JARID2: variants seen among roughly 807,000 people sequenced by gnomAD.
JARID2 encodes the protein protein Jumonji.
Under a neutral mutation model 125.6 loss-of-function variants are expected in JARID2, and 21 were observed. The observed-to-expected ratio is 0.17, with a 90% CI of 0.12 to 0.24. The LOEUF is 0.24. Among genes scored for constraint, JARID2 ranks in the 10% least tolerant of loss-of-function variants. The pLI, the probability that JARID2 is intolerant of heterozygous loss-of-function variation, is 1.00. For synonymous variants in JARID2, 736 were observed against 661.6 expected (o/e 1.11, Z -1.73); for missense variants, 1,303 against 1,639.6 (o/e 0.79, Z 3.55).
intron 1 of JARID2, among the ~76,000 whole-genome samples, chr6:15,284,659 G>A (rs533177127): frequency 2.6e-5 from 4 of 151,954 alleles, no homozygotes; most frequent in Middle Eastern, 3.4e-3. Context: ...GCTAATTTTT[G>A]TATTTTTAGT....
chr6:15,362,138 C>G (rs931824867), intron 1 of JARID2, among the ~76,000 whole-genome samples: 2 of 151,962 alleles, frequency 1.3e-5, no homozygotes, highest in East Asian at 1.9e-4. Context: ...CTGCGCCCCC[C>G]CCGCCTCCCA....
At chr6:15,275,752 G>A (rs911488686) in intron 1 of JARID2, among the ~76,000 whole-genome samples, 5 of 151,988 alleles carry the variant, frequency 3.3e-5, no homozygotes, top group Non-Finnish European at 7.4e-5. Context: ...TTCCATTTAG[G>A]AAAGTTGAGA....
chr6:15,363,276 C>G (rs937408444), intron 1 of JARID2, among the ~76,000 whole-genome samples: 4 of 152,206 alleles, frequency 2.6e-5, no homozygotes, highest in African/African-American at 9.7e-5. Context: ...ACCAGCACTT[C>G]TCACGTGTAA....
intron 3 of JARID2, among the ~76,000 whole-genome samples, chr6:15,430,013 C>T (rs1430770202): frequency 6.6e-6 from 1 of 152,138 alleles, no homozygotes; most frequent in African/African-American, 2.4e-5. Context: ...TTAGTCATGC[C>T]AAGAGAAGGC....
At chr6:15,287,713 G>A (rs1216652770) in intron 1 of JARID2, among the ~76,000 whole-genome samples, 2 of 152,110 alleles carry the variant, frequency 1.3e-5, no homozygotes, top group African/African-American at 4.8e-5. Flanking sequence ...CTGTTGTCAG[G>A]GGAGTCTTAC....
Position 15,520,330 on chromosome 6 carries a change from T to G in JARID2, c.*79T>G, listed in dbSNP as rs533293268. 2 of 1,123,794 alleles carry G rather than the reference T, an allele frequency of 1.8e-6. No homozygotes were observed. Among genetic ancestry groups the G allele is most frequent in the East Asian group, 5.6e-5 (2 of 35,556 alleles). The allele number at this position is 1,123,794 out of a possible 1,614,324, so 69.6% of individuals were successfully genotyped here. On this transcript the variant is annotated 3_prime_UTR_variant, in exon 18 of 18. Coordinates refer to ENST00000341776, the MANE Select transcript of JARID2 (RefSeq NM_004973.4). The stretch of plus-strand genomic sequence containing the variant: ...CTAGTTTGGAGTACTTGCTGTAGGA[T>G]TCAAGCTGTCTTTGCACTAGCTCTA...
rs1384202339 is a variant in JARID2, at chr6:15,474,023, C to T, written c.670+5305C>T. Among the ~76,000 whole-genome samples, 4 of 152,242 alleles carry T rather than the reference C, an allele frequency of 2.6e-5. No individual in the cohort carries two copies. In the South Asian group the frequency reaches 8.3e-4, roughly 31 times the overall value. ...TAGAAGAACACTGAGCTCTCAGTAG[C>T]TGGCTAGCTGTGCTGCCTTCCCCAG... On this transcript the variant is annotated intron_variant, in intron 5 of 17. Coordinates refer to ENST00000341776, the MANE Select transcript of JARID2 (RefSeq NM_004973.4).
At chr6:15,478,431 T>G (rs1769454307) in intron 5 of JARID2, among the ~76,000 whole-genome samples, 1 of 152,068 alleles carries the variant, frequency 6.6e-6, no homozygotes, top group Admixed American at 6.5e-5. Context: ...TGTATTTAGT[T>G]TTTTCGTGCT....
intron 1 of JARID2, among the ~76,000 whole-genome samples, chr6:15,363,821 C>A (rs999244294): frequency 1.3e-5 from 2 of 152,100 alleles, no homozygotes; most frequent in African/African-American, 4.8e-5. Context: ...GAGGCCCATA[C>A]CTGTAATGAA....
intron 1 of JARID2, among the ~76,000 whole-genome samples, chr6:15,251,446 G>A (rs1024456535): frequency 6.6e-6 from 1 of 152,164 alleles, no homozygotes. Context: ...TCTCCCCCAG[G>A]ATTACAGTAG....
At chr6:15,419,933 A>G (rs1041339878) in intron 3 of JARID2, among the ~76,000 whole-genome samples, 3 of 152,166 alleles carry the variant, frequency 2.0e-5, no homozygotes, top group Non-Finnish European at 4.4e-5. Context: ...TATTATTTCA[A>G]ATATTTTCGT....
chr6:15,339,043 T>C (rs1380307506), intron 1 of JARID2, among the ~76,000 whole-genome samples: 1 of 152,072 alleles, frequency 6.6e-6, no homozygotes, highest in African/African-American at 2.4e-5. Flanking sequence ...ACATACAGCA[T>C]CAGGGAAGGG....
At chr6:15,327,933 A>C (rs1762586546) in intron 1 of JARID2, among the ~76,000 whole-genome samples, 1 of 151,982 alleles carries the variant, frequency 6.6e-6, no homozygotes, top group South Asian at 2.1e-4. Context: ...CCTCGTTTGT[A>C]TTTGTCTCCA....
intron 3 of JARID2, among the ~76,000 whole-genome samples, chr6:15,446,888 A>G (rs1337074714): frequency 6.6e-6 from 1 of 152,154 alleles, no homozygotes; most frequent in African/African-American, 2.4e-5. Flanking sequence ...GCTCTCACAT[A>G]GGGACCCATA....
intron 4 of JARID2, among the ~76,000 whole-genome samples, chr6:15,459,453 G>T (rs1768344012): frequency 7.0e-6 from 1 of 142,664 alleles, no homozygotes; most frequent in Admixed American, 7.2e-5. Flanking sequence ...GTGTTCAGTA[G>T]AGATGCAACC....
intron 3 of JARID2, among the ~76,000 whole-genome samples, chr6:15,451,794 T>C (rs1419382427): frequency 2.0e-5 from 3 of 152,210 alleles, no homozygotes; most frequent in Non-Finnish European, 4.4e-5. Flanking sequence ...TTTATATCCA[T>C]GTACAAAACA....
chr6:15,452,359 C>A, intron 4 of JARID2, 184 bp downstream of exon 4: 1 of 474,384 alleles, frequency 2.1e-6, no homozygotes, highest in Non-Finnish European at 2.8e-6. Flanking sequence ...GCTTTTGAAC[C>A]ATCAGTTAAG....
In JARID2 at chr6:15,470,911, G is replaced by A. The variant is rs537622127; in HGVS notation, c.670+2193G>A. Among the ~76,000 whole-genome samples the A allele has an allele frequency of 3.3e-5, 5 of 152,318 alleles. No homozygotes were observed. In the East Asian group the frequency reaches 9.6e-4, roughly 29 times the overall value. ...TGGTGACCTGGAAAGACCTGGGCACGAGAAAGAATTCTAATAACAGAATAG... is the reference window on the plus strand; with the variant it reads ...TGGTGACCTGGAAAGACCTGGGCACAAGAAAGAATTCTAATAACAGAATAG... On this transcript the variant is annotated intron_variant, in intron 5 of 17. Coordinates refer to ENST00000341776, the MANE Select transcript of JARID2 (RefSeq NM_004973.4).
intron 1 of JARID2, among the ~76,000 whole-genome samples, chr6:15,251,033 T>A (rs1356380731): frequency 6.6e-6 from 1 of 152,142 alleles, no homozygotes; most frequent in Non-Finnish European, 1.5e-5. Context: ...TTTCCTTTTT[T>A]TTTTGAGACA....
Sources: allele counts gnomAD v4.1 joint callset (sites outside exome capture counted in the v4.1 genomes callset), GRCh38; gene constraint gnomAD v4.1.1; transcripts MANE v1.5; gene names NCBI Gene and HGNC (gene_info 2026-07-23, HGNC 2026-07-21).